COL5A2: variants seen among roughly 807,000 people sequenced by gnomAD.
COL5A2 encodes collagen type V alpha 2 chain, also known as collagen alpha-2(V) chain.
Under a neutral mutation model 208.2 loss-of-function variants are expected in COL5A2, and 23 were observed. The observed-to-expected ratio is 0.11, with a 90% confidence interval of 0.08 to 0.16. COL5A2 has a LOEUF of 0.16. Among genes scored for constraint, COL5A2 ranks in the 10% least tolerant of loss-of-function variants. The pLI, the probability that COL5A2 is intolerant of heterozygous loss-of-function variation, is 1.00. For synonymous variants in COL5A2, 625 were observed against 628.5 expected, an observed-to-expected ratio of 0.99 and a Z score of 0.08; for missense variants, 1,590 against 1,956.4, an observed-to-expected ratio of 0.81 and a Z score of 3.53.
the COL5A2 span, among the ~76,000 whole-genome samples, chr2:189,436,514 T>TA: frequency 6.6e-6 from 1 of 152,020 alleles, no homozygotes. Context: ...CCCTAGAACT[T>TA]AAAGTACAAT....
At chr2:189,265,611 G>A in the COL5A2 span, among the ~76,000 whole-genome samples, 1 of 152,092 alleles carries the variant, frequency 6.6e-6, no homozygotes. Flanking sequence ...AGTACCTGGG[G>A]TTAAGACTTC....
At chr2:189,204,361 A>C (rs927380119) in intron 1 of COL5A2, among the ~76,000 whole-genome samples, 1 of 152,230 alleles carries the variant, frequency 6.6e-6, no homozygotes, top group Non-Finnish European at 1.5e-5. Context: ...TTGCTAATTG[A>C]ATAATGACTA....
chr2:189,175,636 C>T (rs537824927), intron 1 of COL5A2, among the ~76,000 whole-genome samples: 8 of 151,942 alleles, frequency 5.3e-5, no homozygotes, highest in Middle Eastern at 3.4e-3. Context: ...CTCCGCCTCC[C>T]GGGTTCTAGC....
the COL5A2 span, among the ~76,000 whole-genome samples, chr2:189,246,847 G>A: frequency 6.6e-6 from 1 of 152,200 alleles, no homozygotes; most frequent in African/African-American, 2.4e-5. Context: ...GCCTGAAGAA[G>A]TGTTTGAAGC....
At chr2:189,165,457 A>G (rs1452878706) in intron 1 of COL5A2, among the ~76,000 whole-genome samples, 2 of 152,042 alleles carry the variant, frequency 1.3e-5, no homozygotes, top group African/African-American at 4.8e-5. Flanking sequence ...CTCCTATCAA[A>G]CCTAGTAACT....
At chr2:189,354,591 G>A in the COL5A2 span, among the ~76,000 whole-genome samples, 11 of 152,066 alleles carry the variant, frequency 7.2e-5, no homozygotes, top group African/African-American at 2.7e-4. Flanking sequence ...ATTCTCTGAC[G>A]GTAGTTTGTA....
chr2:189,332,246 G>A, the COL5A2 span, among the ~76,000 whole-genome samples: 1 of 152,108 alleles, frequency 6.6e-6, no homozygotes, highest in African/African-American at 2.4e-5. Flanking sequence ...GTTAAAAACA[G>A]ATTATTAAGG....
At chr2:189,124,133 G>C (rs1428304245) in intron 1 of COL5A2, among the ~76,000 whole-genome samples, 1 of 151,936 alleles carries the variant, frequency 6.6e-6, no homozygotes, top group Non-Finnish European at 1.5e-5. Context: ...GATTAAGAAG[G>C]GTGTTTTAAA....
the COL5A2 span, among the ~76,000 whole-genome samples, chr2:189,285,071 G>GGT: frequency 0.013 from 1,834 of 139,754 alleles, 39 homozygotes; most frequent in African/African-American, 0.037. Context: ...GCATGCACAT[G>GGT]GTGTGTGTGT....
At chr2:189,331,096 T>C in the COL5A2 span, among the ~76,000 whole-genome samples, 1 of 151,944 alleles carries the variant, frequency 6.6e-6, no homozygotes, top group Admixed American at 6.5e-5. Flanking sequence ...TGAACAAAAA[T>C]GTTAAAAATA....
At chr2:189,105,467 A>T (rs1281794894) in intron 2 of COL5A2, among the ~76,000 whole-genome samples, 1 of 151,596 alleles carries the variant, frequency 6.6e-6, no homozygotes, top group Non-Finnish European at 1.5e-5. Context: ...AAAATTTGAC[A>T]GTTTTGTCAT....
chr2:189,342,905 A>T, the COL5A2 span, among the ~76,000 whole-genome samples: 5 of 152,248 alleles, frequency 3.3e-5, no homozygotes, highest in South Asian at 8.3e-4. Flanking sequence ...AACTATATTT[A>T]AAAAAAGATT....
the COL5A2 span, among the ~76,000 whole-genome samples, chr2:189,428,257 T>C: frequency 6.6e-6 from 1 of 152,158 alleles, no homozygotes; most frequent in African/African-American, 2.4e-5. Flanking sequence ...GGGGGTGGTT[T>C]CTCATGAATT....
At chr2:189,402,165 G>T in the COL5A2 span, among the ~76,000 whole-genome samples, 1 of 152,010 alleles carries the variant, frequency 6.6e-6, no homozygotes, top group African/African-American at 2.4e-5. Context: ...GAATGGTATT[G>T]CCTAGGTTTC....
intron 52 of COL5A2, among the ~76,000 whole-genome samples, chr2:189,036,108 C>G (rs1388629044): frequency 6.6e-6 from 1 of 151,778 alleles, no homozygotes; most frequent in South Asian, 2.1e-4. Flanking sequence ...TACAAGAGAC[C>G]CTAAACTAAG....
At chr2:189,393,659 T>C in the COL5A2 span, among the ~76,000 whole-genome samples, 1 of 152,190 alleles carries the variant, frequency 6.6e-6, no homozygotes, top group Non-Finnish European at 1.5e-5. Context: ...TCTTTCCCAA[T>C]TTACAAAGAA....
intron 1 of COL5A2, among the ~76,000 whole-genome samples, chr2:189,146,802 T>C (rs1688048433): frequency 6.6e-6 from 1 of 152,070 alleles, no homozygotes; most frequent in Admixed American, 6.6e-5. Flanking sequence ...CACAGCAAAC[T>C]ATTACAGTAA....
At chr2:189,108,161 A>G (rs1339660257) in intron 2 of COL5A2, among the ~76,000 whole-genome samples, 1 of 151,750 alleles carries the variant, frequency 6.6e-6, no homozygotes, top group African/African-American at 2.4e-5. Flanking sequence ...AATATTTACA[A>G]TCCCATCTGT....
the COL5A2 span, among the ~76,000 whole-genome samples, chr2:189,378,476 G>A: frequency 6.6e-6 from 1 of 152,184 alleles, no homozygotes. Flanking sequence ...TGTAATCCCA[G>A]CACTTTGGGA....
Sources: gnomAD v4.1 joint callset for allele counts (sites outside exome capture counted in the v4.1 genomes callset) on GRCh38, gnomAD v4.1.1 for gene constraint, MANE v1.5 for transcripts, NCBI Gene and HGNC (gene_info 2026-07-23, HGNC 2026-07-21) for gene names.